Variants in MUC17 observed in about 807,000 individuals in gnomAD.
MUC17 encodes the protein mucin 17, cell surface associated, also known as mucin-17.
In MUC17, 190 loss-of-function variants were observed where a neutral mutation model predicts 170.3. The ratio of observed to expected loss-of-function variants is 1.12; its 90% confidence interval spans 0.99 to 1.26. The LOEUF (loss-of-function observed/expected upper bound fraction) is 1.26, where lower values mean the gene tolerates loss of function less well. Among genes scored for constraint, MUC17 ranks in the 50% most tolerant of loss-of-function variants. MUC17 has a pLI of 0.00. For synonymous variants in MUC17, 2,325 were observed against 2,002.5 expected, an observed-to-expected ratio of 1.16 and a Z score of -4.30; for missense variants, 6,415 against 5,530.0, an observed-to-expected ratio of 1.16 and a Z score of -5.08.
chr7:101,039,813 C>T lies in MUC17; in HGVS notation c.8397C>T (p.Ser2799=), dbSNP rs144848787. ...SSSPTTAEVT[S]MPTSTPSETS... ...CTCCTACAACTGCTGAAGTTACCAG[C>T]ATGCCAACCTCAACTCCTAGTGAAA... Residue 2799 remains serine (S), a synonymous_variant, in exon 3 of 13, where the codon AGC becomes AGT. Transcript: ENST00000306151. The T allele has an allele frequency of 1.9e-6, 3 of 1,609,504 alleles. No homozygotes were observed. The highest frequency in any genetic ancestry group is 2.5e-6 in the Non-Finnish European group (3 of 1,177,150).
At position 101,037,941 on chromosome 7, in the gene MUC17, T is replaced by C. The variant is rs756844699; in HGVS notation, c.6525T>C (p.Ser2175=). 21 of 1,612,250 alleles carry C rather than the reference T, an allele frequency of 1.3e-5. No homozygotes were observed. The highest frequency in any genetic ancestry group is 1.7e-5 in the Non-Finnish European group (20 of 1,178,688). The part of the protein sequence containing the change: ...SMPVSTTVVA[S]SAISTLSTTP... The stretch of plus-strand genomic sequence containing the variant: ...CTGTCAGCACCACAGTGGTGGCCAG[T>C]TCTGCAATCAGCACCCTTTCAACAA... Residue 2175 remains serine (S), a synonymous_variant, in exon 3 of 13, where the codon AGT becomes AGC. Coordinates refer to ENST00000306151, the MANE Select transcript of MUC17 (RefSeq NM_001040105.2).
Position 101,039,912 on chromosome 7 carries a change from A to C in MUC17, c.8496A>C (p.Thr2832=). ...GTTCTGAGGCTGGCACCCTTTCAACAACTCCTGTTGACACCAGCACACCTG... is the reference window on the plus strand; with the variant it reads ...GTTCTGAGGCTGGCACCCTTTCAACCACTCCTGTTGACACCAGCACACCTG... ...VASSEAGTLS[T]TPVDTSTPVT... The change falls in exon 3 of 13, where the codon ACA becomes ACC. Residue 2832 remains threonine (T), a synonymous_variant. Transcript: ENST00000306151. 6.2e-7 allele frequency: 1 copy of C among 1,613,206 alleles called. No individual in the cohort carries two copies. Among genetic ancestry groups the C allele is most frequent in the Non-Finnish European group, 8.5e-7 (1 of 1,179,752 alleles).
rs991073187 is a variant in MUC17, at chr7:101,042,816, C to G, written c.11400C>G (p.Gly3800=). 6.2e-7 allele frequency: 1 copy of G among 1,614,126 alleles called. No individual in the cohort carries two copies. ...GTTCATCTCCTACAACTCTTGAAGGCACCACCACCATGCCTATGTCAACTA... is the reference window on the plus strand; with the variant it reads ...GTTCATCTCCTACAACTCTTGAAGGGACCACCACCATGCCTATGTCAACTA... ...EGSSSPTTLE[G]TTTMPMSTTS... The change falls in exon 3 of 13, where the codon GGC becomes GGG. Residue 3800 remains glycine, a synonymous_variant. Coordinates refer to ENST00000306151, the MANE Select transcript of MUC17 (RefSeq NM_001040105.2).
intron 1 of MUC17, among the ~76,000 whole-genome samples, chr7:101,030,802 C>A (rs913624316): frequency 6.6e-6 from 1 of 152,162 alleles, no homozygotes; most frequent in South Asian, 2.1e-4. Context: ...GTAGTGCAAT[C>A]ATAGCTCACT....
chr7:101,057,948 G>T, intron 12 of MUC17, 55 bp from the exon 13 acceptor site: 1 of 1,528,312 alleles, frequency 6.5e-7, no homozygotes, highest in African/African-American at 1.4e-5. Context: ...TATGCTTCCA[G>T]AATCCCAAAT....
intron 1 of MUC17, 73 bp from the exon 2 acceptor site, chr7:101,031,047 G>C: frequency 2.7e-6 from 4 of 1,495,962 alleles, no homozygotes; most frequent in Non-Finnish European, 3.6e-6. Flanking sequence ...GCAGGGAGTA[G>C]AGACTCAGAG....
Position 101,035,085 on chromosome 7 carries a change from T to C in MUC17, c.3669T>C (p.Ser1223=), listed in dbSNP as rs778486833. Residue 1223 remains serine, a synonymous_variant, in exon 3 of 13, where the codon AGT becomes AGC. Coordinates refer to ENST00000306151, the MANE Select transcript of MUC17 (RefSeq NM_001040105.2). ...GAGAAAGAAGCACTCCATTAACAAG[T>C]ATGCCTGTCAGACACACGCCAGTGG... is the stretch of plus-strand genomic sequence containing the variant. ...TPGERSTPLT[S]MPVRHTPVAS... is the part of the protein sequence containing the mutation. The C allele has an allele frequency of 1.6e-5, 25 of 1,612,154 alleles. 1 individual carries two copies. In the East Asian group the frequency reaches 4.9e-4, roughly 32 times the overall value.
intron 3 of MUC17, among the ~76,000 whole-genome samples, chr7:101,045,376 T>G (rs1387282939): frequency 6.7e-6 from 1 of 149,812 alleles, no homozygotes; most frequent in African/African-American, 2.5e-5. Flanking sequence ...GCCTGAACTT[T>G]TTTCTTTTCT....
rs1365584920 is a variant in MUC17 at position 101,033,160 on chromosome 7, G to C, written c.1744G>C (p.Val582Leu). Residue 582 changes from valine (V) to leucine (L), a missense_variant, in exon 3 of 13, where the codon GTG becomes CTG. Val to Leu is a conservative substitution (Grantham distance 32). Transcript: ENST00000306151. The stretch of plus-strand genomic sequence containing the variant: ...AAACATGCCTGTCAGCACCAGGCTG[G>C]TGGTCAGTTCTGAGGCTAGCACCAC... ...LTNMPVSTRL[V>L]VSSEASTTST... 2 of 1,611,868 alleles carry C rather than the reference G, an allele frequency of 1.2e-6. No individual in the cohort carries two copies. The highest frequency in any genetic ancestry group is 1.7e-5 in the Admixed American group (1 of 59,878).
intron 1 of MUC17, among the ~76,000 whole-genome samples, chr7:101,020,746 G>A (rs1228194079): frequency 6.6e-6 from 1 of 152,124 alleles, no homozygotes; most frequent in Non-Finnish European, 1.5e-5. Context: ...TGAACCAGCT[G>A]TGCACCCTGG....
chr7:101,056,875 G>A (rs1288660292), intron 12 of MUC17, among the ~76,000 whole-genome samples: 2 of 151,900 alleles, frequency 1.3e-5, no homozygotes. Flanking sequence ...AGATATAACA[G>A]ATTTCACTCA....
In MUC17 at chr7:101,037,252, C is replaced by A. The variant is rs777525358; in HGVS notation, c.5836C>A (p.Leu1946Ile). 3.1e-6 allele frequency: 5 copies of A among 1,610,772 alleles called. No homozygotes were observed. Among genetic ancestry groups the A allele is most frequent in the African/African-American group, 1.3e-5 (1 of 74,846 alleles). ...TTVASSEINTLSTTLADTRTP... is the reference protein window; with the variant it reads ...TTVASSEINTISTTLADTRTP... ...AGTGGCCAGTTCTGAAATCAACACC[C>A]TTTCAACAACTCTTGCTGACACCAG... Residue 1946 changes from leucine to isoleucine, a missense_variant, in exon 3 of 13, where the codon CTT becomes ATT. Physicochemically the swap from Leu to Ile is conservative, Grantham distance 5 (BLOSUM62 2). Coordinates refer to ENST00000306151, the MANE Select transcript of MUC17 (RefSeq NM_001040105.2).
At position 101,034,971 on chromosome 7, in the gene MUC17, G is replaced by A. The variant is rs561502076; in HGVS notation, c.3555G>A (p.Val1185=). Residue 1185 remains valine (V), a synonymous_variant, in exon 3 of 13, where the codon GTG becomes GTA. Coordinates refer to ENST00000306151, the MANE Select transcript of MUC17 (RefSeq NM_001040105.2). ...SEANTLSTTP[V]DSKTQVATST... Reference sequence around the variant, plus strand: ...CTAACACCCTTTCAACAACTCCTGTGGACTCCAAAACTCAGGTGGCCACTT... The same window carrying A: ...CTAACACCCTTTCAACAACTCCTGTAGACTCCAAAACTCAGGTGGCCACTT... 7.5e-6 allele frequency: 12 copies of A among 1,603,750 alleles called. No individual in the cohort carries two copies. The African/African-American group carries it at 1.1e-4, about 15-fold the overall frequency.
intron 11 of MUC17, among the ~76,000 whole-genome samples, chr7:101,055,282 C>T (rs1401421468): frequency 2.0e-5 from 3 of 151,614 alleles, no homozygotes; most frequent in Admixed American, 6.6e-5. Context: ...TATCCACTGT[C>T]GGTGGGAGGT....
rs1287210096 is a variant in MUC17 at position 101,034,091 on chromosome 7, C to G, written c.2675C>G (p.Thr892Ser). 1.3e-6 allele frequency: 2 copies of G among 1,585,128 alleles called. No homozygotes were observed. The highest frequency in any genetic ancestry group is 2.3e-5 in the South Asian group (2 of 87,054). ...ISTLSTTPVD[T>S]STPVTNSTEA... Reference sequence around the variant, plus strand: ...ACCCTTTCAACAACTCCTGTTGACACCAGCACACCTGTGACCAATTCTACT... The same window carrying G: ...ACCCTTTCAACAACTCCTGTTGACAGCAGCACACCTGTGACCAATTCTACT... The change falls in exon 3 of 13, where the codon ACC (threonine) becomes AGC (serine). Residue 892 changes from threonine to serine, a missense_variant. Physicochemically the swap from Thr to Ser is moderately conservative, Grantham distance 58 (BLOSUM62 1). Transcript: ENST00000306151.
In MUC17 at chr7:101,031,370, A is replaced by T. The variant is rs879138631; in HGVS notation, c.184+149A>T. 1.8e-5 allele frequency: 24 copies of T among 1,354,946 alleles called. No homozygotes were observed. In the South Asian group the frequency reaches 3.2e-4, roughly 18 times the overall value. 83.9% of individuals were successfully genotyped at this position (1,354,946 alleles called of 1,614,324 possible). ...CCAGGAATTACAAGGCAGATGTGGA[A>T]TCACCCAGGCAGGGACTGTGGAGGA... On this transcript the variant is annotated intron_variant, in intron 2 of 12. Coordinates refer to ENST00000306151, the MANE Select transcript of MUC17 (RefSeq NM_001040105.2).
At chr7:101,021,833 G>A (rs749300103) in intron 1 of MUC17, among the ~76,000 whole-genome samples, 38 of 152,170 alleles carry the variant, frequency 2.5e-4, no homozygotes, top group Non-Finnish European at 3.2e-4. Flanking sequence ...AAGTCATGGG[G>A]CTGGGGATAC....
rs543731095 is a variant in MUC17, at chr7:101,033,590, C to G, written c.2174C>G (p.Ala725Gly). Reference protein sequence around the residue: ...TSTPVTTSTEASSSPTTADGA... With the variant: ...TSTPVTTSTEGSSSPTTADGA... ...ACACCTGTGACCACTTCAACTGAAG[C>G]CAGTTCCTCTCCTACAACTGCTGAT... Residue 725 changes from alanine (A) to glycine (G), a missense_variant, in exon 3 of 13, where the codon GCC becomes GGC. Coordinates refer to ENST00000306151, the MANE Select transcript of MUC17 (RefSeq NM_001040105.2). 2 of 1,613,714 alleles carry G rather than the reference C, an allele frequency of 1.2e-6. No individual in the cohort carries two copies. The highest frequency in any genetic ancestry group is 3.3e-5 in the Admixed American group (2 of 59,982).
Position 101,054,330 on chromosome 7 carries a change from G to A in MUC17, c.13363+894G>A, listed in dbSNP as rs553779147. Among the ~76,000 whole-genome samples, 7 of 152,260 alleles carry A rather than the reference G, an allele frequency of 4.6e-5. No homozygotes were observed. In the East Asian group the frequency reaches 7.7e-4, roughly 17 times the overall value. ...GGAGTGGGTGAGCTCATTAGCAGGG[G>A]AGTTGTACCTCAGTAAAGAGACTAA... On this transcript the variant is annotated intron_variant, in intron 11 of 12. Transcript: ENST00000306151.
Sources: gnomAD v4.1 joint callset for allele counts (sites outside exome capture counted in the v4.1 genomes callset) on GRCh38, gnomAD v4.1.1 for gene constraint, MANE v1.5 for transcripts, NCBI Gene and HGNC (gene_info 2026-07-23, HGNC 2026-07-21) for gene names.